Variants in PIM2 observed in about 807,000 individuals in gnomAD.
The protein encoded by PIM2 is serine/threonine-protein kinase pim-2.
Under a neutral mutation model 18.0 loss-of-function variants are expected in PIM2, and 3 were observed. The observed-to-expected ratio is 0.17, with a 90% CI of 0.08 to 0.43. The LOEUF is 0.43. Ranked by LOEUF, PIM2 falls within the 20% of genes least tolerant of loss-of-function variation. The pLI, the probability that PIM2 is intolerant of heterozygous loss-of-function variation, is 0.99. For synonymous variants in PIM2, 117 were observed against 105.3 expected, an observed-to-expected ratio of 1.11 and a Z score of -0.68; for missense variants, 181 against 260.8, an observed-to-expected ratio of 0.69 and a Z score of 2.11.
chrX:48,918,822 G>T lies in PIM2; in HGVS notation c.13C>A (p.Pro5Thr), dbSNP rs782701088. The stretch of plus-strand genomic sequence containing the variant: ...GGGGGCGCGGGAGGCCCCTGTAGAG[G>T]CTTGGTCAACATGGAGGTGGCGCTG... MLTKPLQGPPAPPGT... is the reference protein window; with the variant it reads MLTKTLQGPPAPPGT... Residue 5 changes from proline to threonine, a missense_variant, in exon 1 of 6, where the codon CCT (proline) becomes ACT (threonine). By Grantham distance (38) the Pro-to-Thr change is conservative. Coordinates refer to ENST00000376509, the MANE Select transcript of PIM2 (RefSeq NM_006875.4). 4 of 1,196,268 alleles carry T rather than the reference G, an allele frequency of 3.3e-6. No individual in the cohort carries two copies. In the South Asian group the frequency reaches 5.4e-5, roughly 16 times the overall value.
intron 3 of PIM2, 73 bp downstream of exon 3, chrX:48,917,708 C>T (rs2063567050): frequency 1.1e-5 from 9 of 832,057 alleles, no homozygotes; most frequent in Non-Finnish European, 1.2e-5. Context: ...GTCATACATC[C>T]CCTGGAAAAG....
rs782066754 is a variant in PIM2, at chrX:48,914,100, C to T, written c.*31G>A. On this transcript the variant is annotated 3_prime_UTR_variant, in exon 6 of 6. Transcript: ENST00000376509. ...CATGGCCATGGGATGGCTCTTCTGA[C>T]CATTGGGGGCCAGGCCAGGCCAGGC... 10 of 935,208 alleles carry T rather than the reference C, an allele frequency of 1.1e-5. No individual in the cohort carries two copies. The African/African-American group carries it at 1.6e-4, about 15-fold the overall frequency. 77.1% of individuals were successfully genotyped at this position (935,208 alleles called of 1,213,427 possible).
At chrX:48,914,615 C>T in intron 4 of PIM2, 44 bp from the exon 5 acceptor site, 3 of 1,095,918 alleles carry the variant, frequency 2.7e-6, no homozygotes, top group Non-Finnish European at 3.7e-6. Flanking sequence ...CTCATGATGC[C>T]CTTCTCCAAC....
chrX:48,915,436 A>G, intron 3 of PIM2, 44 bp from the exon 4 acceptor site: 1 of 1,149,940 alleles, frequency 8.7e-7, no homozygotes, highest in Non-Finnish European at 1.2e-6. Flanking sequence ...GAAAAAAGAC[A>G]GATGTCAGGG....
rs2063571762 is a variant in PIM2 at position 48,919,019 on chromosome X, G to A, written c.-185C>T. 2 of 418,732 alleles carry A rather than the reference G, an allele frequency of 4.8e-6. No homozygotes were observed. Among genetic ancestry groups the A allele is most frequent in the South Asian group, 4.1e-5 (1 of 24,277 alleles). 34.5% of individuals were successfully genotyped at this position (418,732 alleles called of 1,213,427 possible). A position where few individuals can be genotyped will look rare whatever the true frequency, so the allele number is the denominator to read the frequency against. On this transcript the variant is annotated 5_prime_UTR_variant, in exon 1 of 6. Transcript: ENST00000376509. The stretch of plus-strand genomic sequence containing the variant: ...ATTCGCCGCGCGCGCCAGCCCCAAT[G>A]CTACTGAGCCTGGGCACGCGCCTCC...
chrX:48,918,950 G>A lies in PIM2; in HGVS notation c.-116C>T. The A allele has an allele frequency of 1.6e-6, 1 of 613,557 alleles. No individual in the cohort carries two copies. The highest frequency in any genetic ancestry group is 2.3e-5 in the African/African-American group (1 of 42,956). 50.6% of individuals were successfully genotyped at this position (613,557 alleles called of 1,213,427 possible). On this transcript the variant is annotated 5_prime_UTR_variant, in exon 1 of 6. Coordinates refer to ENST00000376509, the MANE Select transcript of PIM2 (RefSeq NM_006875.4). Reference sequence around the variant, plus strand: ...GGGGGGCGCCAGGGTGGAAAGCAGAGAAACTGGTGGCCCGGAAGCGCCCGC... The same window carrying A: ...GGGGGGCGCCAGGGTGGAAAGCAGAAAAACTGGTGGCCCGGAAGCGCCCGC...
At chrX:48,917,946 G>A in intron 2 of PIM2, 115 bp from the exon 3 acceptor site, 1 of 589,676 alleles carries the variant, frequency 1.7e-6, no homozygotes, top group South Asian at 2.6e-5. Context: ...AGTCTTTCTG[G>A]TCCCCAACCA....
chrX:48,917,852 A>G, intron 2 of PIM2, 21 bp from the exon 3 acceptor site: 3 of 1,168,951 alleles, frequency 2.6e-6, no homozygotes, highest in Non-Finnish European at 3.5e-6. Context: ...AGGCCGTGAT[A>G]AGGAGGCCAG....
intron 3 of PIM2, among the ~76,000 whole-genome samples, chrX:48,916,174 T>C (rs1411422575): frequency 8.9e-6 from 1 of 112,774 alleles, no homozygotes; most frequent in Non-Finnish European, 1.9e-5. Flanking sequence ...AGAGTAGGGC[T>C]GAATAAATAT....
Position 48,918,829 on chromosome X carries a change from C to A in PIM2, c.6G>T (p.Leu2Phe), listed in dbSNP as rs1557045604. The change falls in exon 1 of 6, where the codon TTG (leucine) becomes TTT (phenylalanine). Residue 2 changes from leucine (L) to phenylalanine (F), a missense_variant. Transcript: ENST00000376509. M[L>F]TKPLQGPPAP... ...CGGGAGGCCCCTGTAGAGGCTTGGT[C>A]AACATGGAGGTGGCGCTGCGCAGAT... 2 of 1,194,304 alleles carry A rather than the reference C, an allele frequency of 1.7e-6. No individual in the cohort carries two copies. Among genetic ancestry groups the A allele is most frequent in the Non-Finnish European group, 1.1e-6 (1 of 890,376 alleles).
In PIM2 at chrX:48,918,913, G is replaced by A. The variant is rs1257608152; in HGVS notation, c.-79C>T. On this transcript the variant is annotated 5_prime_UTR_variant, in exon 1 of 6. Coordinates refer to ENST00000376509, the MANE Select transcript of PIM2 (RefSeq NM_006875.4). Reference sequence around the variant, plus strand: ...TGGACGCCCGGGGCAGCGCAGCTGGGGAGCCAGGGCTGGGGGGCGCCAGGG... The same window carrying A: ...TGGACGCCCGGGGCAGCGCAGCTGGAGAGCCAGGGCTGGGGGGCGCCAGGG... 23 of 892,522 alleles carry A rather than the reference G, an allele frequency of 2.6e-5. No homozygotes were observed. In the African/African-American group the frequency reaches 4.3e-4, roughly 17 times the overall value. 73.6% of individuals were successfully genotyped at this position (892,522 alleles called of 1,213,427 possible). A position where few individuals can be genotyped will look rare whatever the true frequency, so the allele number is the denominator to read the frequency against.
chrX:48,918,763 G>A lies in PIM2; in HGVS notation c.61+11C>T, dbSNP rs367761420. Reference sequence around the variant, plus strand: ...ACCCCGTCTGGTTGCAGTAGGGGAGGATGTACTCACCTGGCGGCGGCGTGG... The same window carrying A: ...ACCCCGTCTGGTTGCAGTAGGGGAGAATGTACTCACCTGGCGGCGGCGTGG... On this transcript the variant is annotated intron_variant, in intron 1 of 5. Transcript: ENST00000376509. The A allele has an allele frequency of 3.8e-5, 45 of 1,186,610 alleles. No homozygotes were observed. Among genetic ancestry groups the A allele is most frequent in the Non-Finnish European group, 4.8e-5 (42 of 882,032 alleles).
chrX:48,914,107 GGGCCAGGCCA>G lies in PIM2; in HGVS notation c.*14_*23del, dbSNP rs782744998. 16 of 975,000 alleles carry G rather than the reference GGGCCAGGCCA, an allele frequency of 1.6e-5. No individual in the cohort carries two copies. Among genetic ancestry groups the G allele is most frequent in the East Asian group, 6.8e-5 (2 of 29,379 alleles). The allele number at this position is 975,000 out of a possible 1,213,427, so 80.4% of individuals were successfully genotyped here. ...ATGGGATGGCTCTTCTGACCATTGG[GGGCCAGGCCA>G]GGCCAGGCCAGGCTTAGGGTAGCAA... On this transcript the variant is annotated 3_prime_UTR_variant, in exon 6 of 6. Transcript: ENST00000376509.
chrX:48,914,665 A>G, intron 4 of PIM2, 94 bp from the exon 5 acceptor site: 1 of 758,314 alleles, frequency 1.3e-6, no homozygotes, highest in Non-Finnish European at 1.9e-6. Flanking sequence ...CACAATTAAG[A>G]GCACTCAAGA....
rs1034273092 is a variant in PIM2, at chrX:48,918,617, G to A, written c.90C>T (p.Ala30=). 4 of 1,201,082 alleles carry A rather than the reference G, an allele frequency of 3.3e-6. No individual in the cohort carries two copies. The highest frequency in any genetic ancestry group is 4.5e-6 in the Non-Finnish European group (4 of 889,638). ...CCAGGAGGGGGCCGAGTCGATACTC[G>A]GCCTCGAACGCTTCCCGATCCTTGC... ...PGGKDREAFE[A]EYRLGPLLGK... is the part of the protein sequence containing the mutation. The change falls in exon 2 of 6, where the codon GCC becomes GCT. Residue 30 remains alanine, a synonymous_variant. Coordinates refer to ENST00000376509, the MANE Select transcript of PIM2 (RefSeq NM_006875.4).
chrX:48,915,013 G>A lies in PIM2; in HGVS notation c.595+7C>T. 1 of 1,190,487 alleles carries A rather than the reference G, an allele frequency of 8.4e-7. No individual in the cohort carries two copies. Among genetic ancestry groups the A allele is most frequent in the Non-Finnish European group, 1.1e-6 (1 of 882,253 alleles). ...AATCCCTCCAGGGAGATTTAGAGAA[G>A]CCTTACCATCAAAGTCAGTGTAGGG... On this transcript the variant is annotated splice_region_variant and intron_variant, in intron 4 of 5. Coordinates refer to ENST00000376509, the MANE Select transcript of PIM2 (RefSeq NM_006875.4).
At chrX:48,915,613 T>C in intron 3 of PIM2, 2 of 398,207 alleles carry the variant, frequency 5.0e-6, no homozygotes, top group Non-Finnish European at 8.7e-6. Flanking sequence ...AAATCTCGCA[T>C]GTCGTAGATC....
In PIM2 at chrX:48,913,532, AAC is replaced by A. The variant is rs1248521551; in HGVS notation, c.*597_*598del. On this transcript the variant is annotated 3_prime_UTR_variant, in exon 6 of 6. Transcript: ENST00000376509. ...TCACCAGAATAAGAGCACTTGGGAT[AAC>A]AGAGTAGGGTCCCCTCACCCAAAAA... The A allele has an allele frequency of 1.0e-5, 1 of 96,289 alleles. No homozygotes were observed. Among genetic ancestry groups the A allele is most frequent in the East Asian group, 3.3e-4 (1 of 3,064 alleles). 7.9% of individuals were successfully genotyped at this position (96,289 alleles called of 1,213,427 possible). A position where few individuals can be genotyped will look rare whatever the true frequency, so the allele number is the denominator to read the frequency against.
At position 48,918,804 on chromosome X, in the gene PIM2, C is replaced by A. The variant is rs2063570842; in HGVS notation, c.31G>T (p.Ala11Ser). 8.4e-7 allele frequency: 1 copy of A among 1,193,939 alleles called. No homozygotes were observed. Among genetic ancestry groups the A allele is most frequent in the African/African-American group, 1.8e-5 (1 of 56,134 alleles). The change falls in exon 1 of 6, where the codon GCG (alanine) becomes TCG (serine). Residue 11 changes from alanine (A) to serine (S), a missense_variant. By Grantham distance (99) the Ala-to-Ser change is moderately conservative. Around this residue, in one of 5 missense-constraint regions of PIM2, gnomAD observed 104 missense variants for 125.3 expected, o/e 0.83. Coordinates refer to ENST00000376509, the MANE Select transcript of PIM2 (RefSeq NM_006875.4). MLTKPLQGPP[A>S]PPGTPTPPPG... ...GGCGGCGTGGGGGTCCCGGGGGGCG[C>A]GGGAGGCCCCTGTAGAGGCTTGGTC...
Sources: allele counts gnomAD v4.1 joint callset (sites outside exome capture counted in the v4.1 genomes callset), GRCh38; gene constraint gnomAD v4.1.1; regional missense constraint gnomAD v4.1.1; transcripts MANE v1.5; gene names NCBI Gene and HGNC (gene_info 2026-07-23, HGNC 2026-07-21).